Variants in ROBO1 observed in about 807,000 individuals in gnomAD.
The protein encoded by ROBO1 is roundabout guidance receptor 1.
ROBO1 carries 149 observed loss-of-function variants against 195.9 expected under a neutral mutation model. The observed-to-expected ratio is 0.76, with a 90% confidence interval of 0.67 to 0.87. The LOEUF is 0.87. Among genes scored for constraint, ROBO1 ranks in the 40% least tolerant of loss-of-function variants. ROBO1 has a pLI of 0.00. For missense variants in ROBO1, 1,933 were observed against 2,068.3 expected (o/e 0.93, Z 1.27); for synonymous variants, 816 against 733.2 (o/e 1.11, Z -1.82).
intron 15 of ROBO1, among the ~76,000 whole-genome samples, chr3:78,661,600 T>C (rs1249887372): frequency 6.6e-6 from 1 of 152,216 alleles, no homozygotes; most frequent in Non-Finnish European, 1.5e-5. Context: ...TGACATTGCA[T>C]GTAGGACATC....
intron 14 of ROBO1, among the ~76,000 whole-genome samples, chr3:78,667,653 G>C (rs1707813737): frequency 6.6e-6 from 1 of 151,700 alleles, no homozygotes; most frequent in Non-Finnish European, 1.5e-5. Context: ...GTAATTTTAT[G>C]AGAAACAGTT....
chr3:79,410,503 A>T (rs1412077111), intron 2 of ROBO1, among the ~76,000 whole-genome samples: 1 of 152,140 alleles, frequency 6.6e-6, no homozygotes, highest in Non-Finnish European at 1.5e-5. Context: ...AGTAAGACCA[A>T]TCATTTATTA....
chr3:79,526,343 G>A (rs780198358), intron 2 of ROBO1: 2 of 152,278 alleles, frequency 1.3e-5, no homozygotes, highest in Admixed American at 6.5e-5. Flanking sequence ...TCTAAAATCT[G>A]TCTCTGTTAC....
intron 22 of ROBO1, among the ~76,000 whole-genome samples, chr3:78,637,803 C>T (rs1705615562): frequency 6.6e-6 from 1 of 152,162 alleles, no homozygotes; most frequent in Non-Finnish European, 1.5e-5. Context: ...TCAGGATTCG[C>T]TTTAAGGGCA....
At chr3:78,697,969 C>A (rs1175433815) in intron 8 of ROBO1, among the ~76,000 whole-genome samples, 3 of 151,968 alleles carry the variant, frequency 2.0e-5, no homozygotes, top group African/African-American at 7.3e-5. Flanking sequence ...CTATGGAATT[C>A]TTCTGCTAAT....
intron 4 of ROBO1, among the ~76,000 whole-genome samples, chr3:78,786,757 T>C (rs1355001130): frequency 6.6e-6 from 1 of 152,206 alleles, no homozygotes; most frequent in African/African-American, 2.4e-5. Context: ...ACCAGGGTTG[T>C]GAGGCCTCCC....
At chr3:79,264,155 C>A (rs1209939951) in intron 2 of ROBO1, among the ~76,000 whole-genome samples, 1 of 152,000 alleles carries the variant, frequency 6.6e-6, no homozygotes. Context: ...TTTGAACATA[C>A]AGAACTGATT....
At chr3:79,372,212 T>TTG (rs2036221988) in intron 2 of ROBO1, among the ~76,000 whole-genome samples, 1 of 150,912 alleles carries the variant, frequency 6.6e-6, no homozygotes, top group Non-Finnish European at 1.5e-5. Context: ...TCTTTTTTTT[T>TTG]TTTTTCTTTT....
At chr3:79,727,577 T>C (rs535709484) in intron 1 of ROBO1, among the ~76,000 whole-genome samples, 1 of 152,324 alleles carries the variant, frequency 6.6e-6, no homozygotes, top group East Asian at 1.9e-4. Context: ...CATGAGTGTT[T>C]CTATGTCTGT....
chr3:79,428,956 G>C (rs2038563638), intron 2 of ROBO1, among the ~76,000 whole-genome samples: 1 of 152,102 alleles, frequency 6.6e-6, no homozygotes, highest in African/African-American at 2.4e-5. Context: ...ATCAAAGTTT[G>C]CTAGGAGAAT....
intron 3 of ROBO1, among the ~76,000 whole-genome samples, chr3:79,042,470 A>T (rs926221203): frequency 7.2e-5 from 11 of 152,058 alleles, no homozygotes; most frequent in African/African-American, 2.4e-4. Context: ...CGGCGCAAAA[A>T]CCCTGGTTCC....
At chr3:79,033,224 A>G (rs776323905) in intron 3 of ROBO1, among the ~76,000 whole-genome samples, 19 of 152,200 alleles carry the variant, frequency 1.2e-4, no homozygotes, top group Non-Finnish European at 2.7e-4. Context: ...TTCCAACAAG[A>G]TATGTATGGT....
In ROBO1 at chr3:78,668,495, A is replaced by G. The variant is rs574702247; in HGVS notation, c.1619T>C (p.Ile540Thr). Reference sequence around the variant, plus strand: ...ACCATTTACTTTACCTTGAACTTCAATGTAAGCACTCCATGTTGCTTCACC... The same window carrying G: ...ACCATTTACTTTACCTTGAACTTCAGTGTAAGCACTCCATGTTGCTTCACC... ...PSGEATWSAY[I>T]EVQEFGVPVQ... Residue 540 changes from isoleucine to threonine, a missense_variant, in exon 12 of 31, where the codon ATT becomes ACT. Physicochemically the swap from Ile to Thr is moderately conservative, Grantham distance 89. Coordinates refer to ENST00000464233, the MANE Select transcript of ROBO1 (RefSeq NM_002941.4). 15 of 1,613,854 alleles carry G rather than the reference A, an allele frequency of 9.3e-6. No homozygotes were observed. The East Asian group carries it at 1.3e-4, about 14-fold the overall frequency.
At chr3:79,367,634 T>C (rs1411702343) in intron 2 of ROBO1, among the ~76,000 whole-genome samples, 1 of 152,196 alleles carries the variant, frequency 6.6e-6, no homozygotes, top group Non-Finnish European at 1.5e-5. Flanking sequence ...ATGATTATAA[T>C]AGACAATAAA....
chr3:79,713,633 G>A (rs530763904), intron 1 of ROBO1, among the ~76,000 whole-genome samples: 56 of 151,488 alleles, frequency 3.7e-4, no homozygotes, highest in Admixed American at 9.9e-4. Context: ...TTTTGTTGCC[G>A]TTGCTTTTGG....
rs1484255433 is a variant in ROBO1, at chr3:79,376,451, C to T, written c.88+213373G>A. ...GATATGGTTTGGCTGTGTCTCCACC[C>T]AAATCTTGTCTAAATTGTAGCTATC... On this transcript the variant is annotated intron_variant, in intron 2 of 30. Coordinates refer to ENST00000464233, the MANE Select transcript of ROBO1 (RefSeq NM_002941.4). Among the ~76,000 whole-genome samples, 6 of 152,100 alleles carry T rather than the reference C, an allele frequency of 3.9e-5. No individual in the cohort carries two copies. The South Asian group carries it at 1.0e-3, about 26-fold the overall frequency.
chr3:78,634,073 A>G (rs1360137514), intron 23 of ROBO1, 31 bp from the exon 24 acceptor site: 4 of 1,426,606 alleles, frequency 2.8e-6, no homozygotes, highest in East Asian at 4.6e-5. Flanking sequence ...AACAATAAAC[A>G]TTTATTTTCT....
chr3:78,719,253 T>A (rs79924966), intron 5 of ROBO1, among the ~76,000 whole-genome samples: 2,010 of 152,254 alleles, frequency 0.013, 17 homozygotes, highest in Non-Finnish European at 0.022. Flanking sequence ...CCAAATACTG[T>A]TGTTGAACGT....
intron 4 of ROBO1, among the ~76,000 whole-genome samples, chr3:78,891,785 G>A (rs1293055502): frequency 6.6e-6 from 1 of 152,180 alleles, no homozygotes; most frequent in Non-Finnish European, 1.5e-5. Context: ...ATTGATGTGT[G>A]TAAACTCATA....
Sources: allele counts gnomAD v4.1 joint callset (sites outside exome capture counted in the v4.1 genomes callset), GRCh38; gene constraint gnomAD v4.1.1; transcripts MANE v1.5; gene names NCBI Gene and HGNC (gene_info 2026-07-23, HGNC 2026-07-21).